Variants in RBM47 observed in about 807,000 individuals in gnomAD.
The protein encoded by RBM47 is RNA-binding protein 47.
In RBM47, 21 loss-of-function variants were observed where a neutral mutation model predicts 47.1. The ratio of observed to expected loss-of-function variants is 0.45; its 90% confidence interval spans 0.32 to 0.64. RBM47 has a LOEUF of 0.64. RBM47 is among the 30% of genes least tolerant of loss of function. The probability of loss-of-function intolerance (pLI) is 0.05; values close to 1 mark genes in which losing one functional copy is unlikely to be tolerated. For synonymous variants in RBM47, 375 were observed against 361.7 expected (o/e 1.04, Z -0.42); for missense variants, 708 against 870.9 (o/e 0.81, Z 2.35).
intron 6 of RBM47, chr4:40,427,574 T>G (rs1715238754): frequency 6.6e-6 from 1 of 152,210 alleles, no homozygotes; most frequent in Non-Finnish European, 1.5e-5. Flanking sequence ...AAACATTCAT[T>G]TAACAAAATA....
In RBM47 at chr4:40,425,873, G is replaced by A; in HGVS notation, c.*31C>T. ...GTCAAGCGTTCCTTCAGTGGTGTTT[G>A]TGTGGTCTGTCTTCGTGCTGGTCAC... On this transcript the variant is annotated 3_prime_UTR_variant, in exon 7 of 7. Coordinates refer to ENST00000295971, the MANE Select transcript of RBM47 (RefSeq NM_001098634.2). 1 of 1,605,760 alleles carries A rather than the reference G, an allele frequency of 6.2e-7. No homozygotes were observed. Among genetic ancestry groups the A allele is most frequent in the South Asian group, 1.1e-5 (1 of 90,780 alleles).
chr4:40,440,995 ATTAT>A (rs1320846921), intron 3 of RBM47, among the ~76,000 whole-genome samples: 2 of 152,016 alleles, frequency 1.3e-5, no homozygotes, highest in Non-Finnish European at 2.9e-5. Context: ...TTCTATTCTT[ATTAT>A]TTTTTTCCTC....
chr4:40,503,746 TAC>T (rs538808008), intron 2 of RBM47, among the ~76,000 whole-genome samples: 31 of 151,422 alleles, frequency 2.0e-4, no homozygotes, highest in African/African-American at 5.8e-4. Flanking sequence ...GTAAATATAT[TAC>T]ACACACACAC....
chr4:40,479,613 A>AATAT (rs1404297634), intron 2 of RBM47, among the ~76,000 whole-genome samples: 1 of 151,744 alleles, frequency 6.6e-6, no homozygotes. Context: ...TAAATAAATA[A>AATAT]ATAAATATAT....
At chr4:40,431,461 A>T (rs1028275058) in intron 6 of RBM47, among the ~76,000 whole-genome samples, 1 of 152,102 alleles carries the variant, frequency 6.6e-6, no homozygotes, top group Admixed American at 6.6e-5. Context: ...GATTGAGACT[A>T]TCCTGGCTGA....
chr4:40,470,526 T>C (rs1203045049), intron 2 of RBM47, among the ~76,000 whole-genome samples: 2 of 152,200 alleles, frequency 1.3e-5, no homozygotes, highest in African/African-American at 2.4e-5. Context: ...GTATGTAGTT[T>C]TGAAAGCTGT....
intron 1 of RBM47, among the ~76,000 whole-genome samples, chr4:40,612,620 C>G (rs1453771042): frequency 1.3e-5 from 2 of 152,174 alleles, no homozygotes; most frequent in Non-Finnish European, 2.9e-5. Flanking sequence ...TTAATCTGAT[C>G]CAACAGGGCA....
chr4:40,437,159 T>TATATATATATAAAATAC (rs1560357740), intron 4 of RBM47, among the ~76,000 whole-genome samples: 2 of 6,332 alleles, frequency 3.2e-4, no homozygotes, highest in Admixed American at 2.4e-3. Context: ...ATAAAATACA[T>TATATATATATAAAATAC]ATATATATAT....
intron 1 of RBM47, among the ~76,000 whole-genome samples, chr4:40,616,977 G>A (rs950377076): frequency 6.9e-6 from 1 of 145,828 alleles, no homozygotes; most frequent in Non-Finnish European, 1.5e-5. Context: ...CCAGATTCAA[G>A]CAATTCTCCT....
chr4:40,611,908 A>G (rs1182612218), intron 1 of RBM47, among the ~76,000 whole-genome samples: 2 of 152,204 alleles, frequency 1.3e-5, no homozygotes, highest in African/African-American at 2.4e-5. Context: ...TGTATCTCCA[A>G]TAAGATACAT....
In RBM47 at chr4:40,437,723, G is replaced by A. The variant is rs200381182; in HGVS notation, c.1123+48C>T. On this transcript the variant is annotated intron_variant, in intron 4 of 6. Coordinates refer to ENST00000295971, the MANE Select transcript of RBM47 (RefSeq NM_001098634.2). ...GGTATCCCTGGTGCCCCCTGCCTAG[G>A]AGGCAACGTTCTTGGGGGCCCCACC... The A allele has an allele frequency of 1.1e-3, 1,730 of 1,521,024 alleles. 3 individuals carry two copies. The highest frequency in any genetic ancestry group is 1.5e-3 in the Non-Finnish European group (1,652 of 1,113,438). The allele number at this position is 1,521,024 out of a possible 1,614,324, so 94.2% of individuals were successfully genotyped here.
chr4:40,424,991 A>AC lies in RBM47; in HGVS notation c.*912dup, dbSNP rs1560339302. 1 of 148,280 alleles carries AC rather than the reference A, an allele frequency of 6.7e-6. No homozygotes were observed. The highest frequency in any genetic ancestry group is 2.0e-4 in the East Asian group (1 of 5,046). 9.2% of individuals were successfully genotyped at this position (148,280 alleles called of 1,614,324 possible). On this transcript the variant is annotated 3_prime_UTR_variant, in exon 7 of 7. Coordinates refer to ENST00000295971, the MANE Select transcript of RBM47 (RefSeq NM_001098634.2). ...CTTCCCCAACCAAACAAAAAAAAAA[A>AC]CAAAAAACAACGAAACAACAAACCC...
intron 2 of RBM47, among the ~76,000 whole-genome samples, chr4:40,529,428 A>G (rs976362912): frequency 7.0e-6 from 1 of 142,248 alleles, no homozygotes; most frequent in Non-Finnish European, 1.5e-5. Context: ...AGGCAGGAGA[A>G]TTACTTGAAC....
At chr4:40,503,811 G>T (rs1029068825) in intron 2 of RBM47, among the ~76,000 whole-genome samples, 2 of 151,734 alleles carry the variant, frequency 1.3e-5, no homozygotes, top group African/African-American at 4.8e-5. Context: ...ACACACAGAG[G>T]TATGGCCAGA....
chr4:40,608,408 A>G (rs1263552754), intron 1 of RBM47, among the ~76,000 whole-genome samples: 1 of 152,220 alleles, frequency 6.6e-6, no homozygotes, highest in African/African-American at 2.4e-5. Flanking sequence ...CTGATATAAT[A>G]AGCAGAGCAT....
chr4:40,530,493 G>T (rs1303990381), intron 2 of RBM47, among the ~76,000 whole-genome samples: 1 of 151,718 alleles, frequency 6.6e-6, no homozygotes, highest in Admixed American at 6.6e-5. Flanking sequence ...AGTAGAGATA[G>T]GGTTTCACTA....
Position 40,425,932 on chromosome 4 carries a change from G to A in RBM47, c.1754C>T (p.Pro585Leu). 1 of 1,614,180 alleles carries A rather than the reference G, an allele frequency of 6.2e-7. No individual in the cohort carries two copies. The highest frequency in any genetic ancestry group is 8.5e-7 in the Non-Finnish European group (1 of 1,180,038). Residue 585 changes from proline (P) to leucine (L), a missense_variant, in exon 7 of 7, where the codon CCC (proline) becomes CTC (leucine). Physicochemically the swap from Pro to Leu is moderately conservative, Grantham distance 98. Coordinates refer to ENST00000295971, the MANE Select transcript of RBM47 (RefSeq NM_001098634.2). ...GTATGTCTGGTAGACGTCGGGGATG[G>A]GGACCTGAATGGCAGCAGCAGGGAA... ...QAFPAAAIQV[P>L]IPDVYQTY
chr4:40,582,994 C>G (rs1057423196), intron 1 of RBM47, among the ~76,000 whole-genome samples: 24 of 152,104 alleles, frequency 1.6e-4, no homozygotes, highest in African/African-American at 5.8e-4. Context: ...AGCAAGTGCT[C>G]AATACACACT....
chr4:40,472,020 T>C (rs1229972034), intron 2 of RBM47, among the ~76,000 whole-genome samples: 1 of 152,200 alleles, frequency 6.6e-6, no homozygotes, highest in African/African-American at 2.4e-5. Flanking sequence ...CATATGAAAT[T>C]GCTATTTTAT....
Sources: allele counts gnomAD v4.1 joint callset (sites outside exome capture counted in the v4.1 genomes callset), GRCh38; gene constraint gnomAD v4.1.1; transcripts MANE v1.5; gene names NCBI Gene and HGNC (gene_info 2026-07-23, HGNC 2026-07-21).